TNKS: variants seen among roughly 807,000 people sequenced by gnomAD.
TNKS encodes the protein poly [ADP-ribose] polymerase tankyrase-1.
Under a neutral mutation model 135.8 loss-of-function variants are expected in TNKS, and 72 were observed. That is an observed-to-expected ratio of 0.53 (90% CI 0.44 to 0.64). The LOEUF (loss-of-function observed/expected upper bound fraction) is 0.64, where lower values mean the gene tolerates loss of function less well. Among genes scored for constraint, TNKS ranks in the 30% least tolerant of loss-of-function variants. The pLI is 0.00. For synonymous variants in TNKS, 849 were observed against 649.3 expected (o/e 1.31, Z -4.68); for missense variants, 1,769 against 1,674.0 (o/e 1.06, Z -0.99).
At chr8:9,589,813 A>G (rs545963364) in intron 2 of TNKS, among the ~76,000 whole-genome samples, 8 of 152,370 alleles carry the variant, frequency 5.3e-5, no homozygotes, top group Admixed American at 1.3e-4. Flanking sequence ...TCTTTGAACC[A>G]TCTCATGCCT....
chr8:9,721,574 A>T (rs992773827), intron 12 of TNKS, among the ~76,000 whole-genome samples: 3 of 14,942 alleles, frequency 2.0e-4, no homozygotes, highest in African/African-American at 4.3e-4. Flanking sequence ...AGAAGGCTAT[A>T]GACTAGGAGT....
At chr8:9,760,428 C>G (rs1014309872) in intron 20 of TNKS, among the ~76,000 whole-genome samples, 1 of 152,176 alleles carries the variant, frequency 6.6e-6, no homozygotes, top group Admixed American at 6.5e-5. Flanking sequence ...ACAAAAAAAT[C>G]AGCAGAGGTC....
intron 2 of TNKS, among the ~76,000 whole-genome samples, chr8:9,611,376 G>T (rs879281856): frequency 6.6e-6 from 1 of 152,094 alleles, no homozygotes; most frequent in Non-Finnish European, 1.5e-5. Flanking sequence ...TACATTGTTG[G>T]TGTATTTTGG....
Position 9,776,681 on chromosome 8 carries a change from T to A in TNKS, c.3929T>A (p.Ile1310Asn). 1 of 1,613,998 alleles carries A rather than the reference T, an allele frequency of 6.2e-7. No homozygotes were observed. Among genetic ancestry groups the A allele is most frequent in the Non-Finnish European group, 8.5e-7 (1 of 1,179,914 alleles). ...AYPEYLITYQ[I>N]MKPEAPSQTA... Reference sequence around the variant, plus strand: ...CCAGAGTATCTTATCACTTACCAGATCATGAAGCCAGAAGCCCCTTCCCAG... The same window carrying A: ...CCAGAGTATCTTATCACTTACCAGAACATGAAGCCAGAAGCCCCTTCCCAG... The change falls in exon 27 of 27, where the codon ATC becomes AAC. Residue 1310 changes from isoleucine to asparagine, a missense_variant. By Grantham distance (149) the Ile-to-Asn change is moderately radical. Around this residue, in one of 5 missense-constraint regions of TNKS, gnomAD observed 722 missense variants for 688.9 expected, o/e 1.05. Transcript: ENST00000310430.
intron 2 of TNKS, among the ~76,000 whole-genome samples, chr8:9,608,993 A>G (rs1799341113): frequency 6.6e-6 from 1 of 152,194 alleles, no homozygotes; most frequent in African/African-American, 2.4e-5. Context: ...GCTGGAAACT[A>G]AAGTTTTATT....
At chr8:9,776,006 C>G (rs1808209634) in intron 26 of TNKS, among the ~76,000 whole-genome samples, 1 of 152,070 alleles carries the variant, frequency 6.6e-6, no homozygotes, top group African/African-American at 2.4e-5. Context: ...CCTGCTCCCA[C>G]CAAGAAGAAC....
chr8:9,678,017 C>T (rs917531238), intron 3 of TNKS, among the ~76,000 whole-genome samples: 13 of 152,278 alleles, frequency 8.5e-5, no homozygotes, highest in Non-Finnish European at 1.2e-4. Flanking sequence ...ATCCCATTTA[C>T]ACTGGCTGGT....
intron 26 of TNKS, among the ~76,000 whole-genome samples, chr8:9,775,357 T>G (rs1585461131): frequency 6.6e-6 from 1 of 151,008 alleles, no homozygotes; most frequent in Non-Finnish European, 1.5e-5. Flanking sequence ...AGATTTTCAA[T>G]CTTCGTTTCT....
At position 9,716,077 on chromosome 8, in the gene TNKS, G is replaced by A. The variant is rs184762617; in HGVS notation, c.1750-4297G>A. Among the ~76,000 whole-genome samples, 248 of 152,192 alleles carry A rather than the reference G, an allele frequency of 1.6e-3. 1 individual carries two copies. Among genetic ancestry groups the A allele is most frequent in the African/African-American group, 5.3e-3 (220 of 41,536 alleles). On this transcript the variant is annotated intron_variant, in intron 11 of 26. Transcript: ENST00000310430. ...GTCATTATGTGCATCTGTTAAATACGTGAAACATGAAGGAATTTTTTTGAC... is the reference window on the plus strand; with the variant it reads ...GTCATTATGTGCATCTGTTAAATACATGAAACATGAAGGAATTTTTTTGAC...
intron 25 of TNKS, among the ~76,000 whole-genome samples, chr8:9,769,859 T>C (rs1414412631): frequency 6.6e-6 from 1 of 152,074 alleles, no homozygotes; most frequent in Non-Finnish European, 1.5e-5. Context: ...CTAGCAGGCA[T>C]TTTCTATGGC....
chr8:9,774,304 AT>A (rs996376664), intron 26 of TNKS, among the ~76,000 whole-genome samples: 1 of 152,200 alleles, frequency 6.6e-6, no homozygotes, highest in Non-Finnish European at 1.5e-5. Context: ...GAATAGAATG[AT>A]TTCTAAAATG....
chr8:9,720,350 T>C (rs1804813870), intron 11 of TNKS, 24 bp from the exon 12 acceptor site: 2 of 1,556,736 alleles, frequency 1.3e-6, no homozygotes, highest in Admixed American at 2.0e-5. Context: ...CTCAATTCCA[T>C]GTGCCCACGC....
intron 1 of TNKS, among the ~76,000 whole-genome samples, chr8:9,571,767 C>T (rs1038373613): frequency 6.6e-6 from 1 of 152,082 alleles, no homozygotes; most frequent in African/African-American, 2.4e-5. Context: ...CCCGGGGATT[C>T]CATGTTGTTG....
intron 3 of TNKS, among the ~76,000 whole-genome samples, chr8:9,667,580 T>C (rs1430913508): frequency 6.6e-6 from 1 of 152,218 alleles, no homozygotes; most frequent in African/African-American, 2.4e-5. Flanking sequence ...TGTCTTGTCT[T>C]TGTTGTGATT....
chr8:9,583,044 A>G (rs1298298352), intron 2 of TNKS, among the ~76,000 whole-genome samples: 1 of 150,954 alleles, frequency 6.6e-6, no homozygotes, highest in Non-Finnish European at 1.5e-5. Context: ...GCGGGCACCT[A>G]TTGTCCCAGC....
At position 9,746,541 on chromosome 8, in the gene TNKS, C is replaced by G. The variant is rs1304989251; in HGVS notation, c.2644-1483C>G. ...GGATTTTTCTTCCACTCTCCTTTTC[C>G]AAAATATTGTTGTTTTCAAGGTTTT... is the stretch of plus-strand genomic sequence containing the variant. On this transcript the variant is annotated intron_variant, in intron 17 of 26. Transcript: ENST00000310430. Among the ~76,000 whole-genome samples, 43 of 152,142 alleles carry G rather than the reference C, an allele frequency of 2.8e-4. 1 individual carries two copies.
chr8:9,587,320 C>A (rs1186273607), intron 2 of TNKS, among the ~76,000 whole-genome samples: 20 of 151,678 alleles, frequency 1.3e-4, no homozygotes, highest in Admixed American at 1.2e-3. Context: ...GGGGGTAGCC[C>A]CAAGAAGATG....
At chr8:9,722,067 A>C (rs1191722015) in intron 12 of TNKS, among the ~76,000 whole-genome samples, 1 of 73,652 alleles carries the variant, frequency 1.4e-5, no homozygotes, top group Non-Finnish European at 3.4e-5. Flanking sequence ...AACAAAAAAA[A>C]AAGAAAAGAA....
chr8:9,675,104 T>G (rs540713444), intron 3 of TNKS, among the ~76,000 whole-genome samples: 2 of 152,340 alleles, frequency 1.3e-5, no homozygotes, highest in East Asian at 3.9e-4. Flanking sequence ...AATATTGCTT[T>G]GAGAGGAAGA....
Sources: gnomAD v4.1 joint callset for allele counts (sites outside exome capture counted in the v4.1 genomes callset) on GRCh38, gnomAD v4.1.1 for gene constraint, gnomAD v4.1.1 regional missense constraint, MANE v1.5 for transcripts, NCBI Gene and HGNC (gene_info 2026-07-23, HGNC 2026-07-21) for gene names.